The following ZGRF1 variants were observed in gnomAD, a reference collection of about 807,000 sequenced individuals.
The protein encoded by ZGRF1 is zinc finger GRF-type containing 1.
ZGRF1 carries 196 observed loss-of-function variants against 203.5 expected under a neutral mutation model. The ratio of observed to expected loss-of-function variants is 0.96; its 90% confidence interval spans 0.86 to 1.08. The LOEUF is 1.08. Among genes scored for constraint, ZGRF1 ranks in the 50% least tolerant of loss-of-function variants. ZGRF1 has a pLI of 0.00. For missense variants in ZGRF1, 2,326 were observed against 2,416.3 expected (o/e 0.96, Z 0.78); for synonymous variants, 809 against 841.3 (o/e 0.96, Z 0.66).
At chr4:112,604,688 G>C (rs774223468) in intron 9 of ZGRF1, among the ~76,000 whole-genome samples, 15 of 152,176 alleles carry the variant, frequency 9.9e-5, no homozygotes, top group Non-Finnish European at 1.9e-4. Flanking sequence ...CTACTGCTCT[G>C]AGAGCAAAAG....
chr4:112,604,404 A>G (rs796245497), intron 9 of ZGRF1, among the ~76,000 whole-genome samples: 1 of 152,196 alleles, frequency 6.6e-6, no homozygotes, highest in African/African-American at 2.4e-5. Flanking sequence ...ACTATATATT[A>G]TAGACTCACA....
rs35098422 is a variant in ZGRF1, at chr4:112,565,430, C to CAAA, written c.4439-2159_4439-2157dup. ...ACTATGATGGGAAACATTTCATTCT[C>CAAA]AAAAAAAAAAAAAAAAAAATTCTCT... On this transcript the variant is annotated intron_variant, in intron 16 of 27. Coordinates refer to ENST00000505019, the MANE Select transcript of ZGRF1 (RefSeq NM_018392.5). 3,390 of 512,140 alleles carry CAAA rather than the reference C, an allele frequency of 6.6e-3. 2 individuals carry two copies. The highest frequency in any genetic ancestry group is 0.015 in the South Asian group (592 of 38,774). 31.7% of individuals were successfully genotyped at this position (512,140 alleles called of 1,614,324 possible).
In ZGRF1 at chr4:112,619,258, C is replaced by A; in HGVS notation, c.784G>T (p.Glu262Ter). Residue 262 changes from glutamate to a stop codon, truncating the protein, a stop_gained, in exon 6 of 28, where the codon GAA (glutamate) becomes TAA (stop). Transcript: ENST00000505019. LOFTEE classifies it high-confidence loss of function. ...AGTTCCTCACATGAACTAGATGATT[C>A]GGACTTCAGAAGAGCTAATATCTGT... ...KAQILALLKS[E>*]SSSSCEELNS... The A allele has an allele frequency of 6.2e-7, 1 of 1,613,190 alleles. No individual in the cohort carries two copies. The highest frequency in any genetic ancestry group is 1.1e-5 in the South Asian group (1 of 91,066).
intron 8 of ZGRF1, 147 bp from the exon 9 acceptor site, chr4:112,606,238 A>T (rs776490194): frequency 2.4e-5 from 14 of 589,826 alleles, no homozygotes; most frequent in Admixed American, 1.4e-4. Flanking sequence ...CTACACACAC[A>T]TACAAGCTAG....
At chr4:112,548,169 A>G (rs1739182233) in intron 23 of ZGRF1, 84 bp downstream of exon 23, 1 of 1,297,362 alleles carries the variant, frequency 7.7e-7, no homozygotes, top group East Asian at 2.6e-5. Flanking sequence ...GCAAACTCCT[A>G]GACTCAAGCA....
intron 16 of ZGRF1, 28 bp downstream of exon 16, chr4:112,581,635 A>G (rs1051711324): frequency 3.9e-6 from 6 of 1,529,000 alleles, no homozygotes; most frequent in Non-Finnish European, 5.3e-6. Context: ...GGCTAGACTG[A>G]ATCGCCAGTA....
intron 1 of ZGRF1, among the ~76,000 whole-genome samples, chr4:112,634,662 T>G (rs1470541971): frequency 6.9e-6 from 1 of 145,878 alleles, no homozygotes; most frequent in African/African-American, 2.6e-5. Flanking sequence ...AAAAAAAAAA[T>G]AAAAGGGCGA....
At chr4:112,594,359 T>C (rs530999994) in intron 10 of ZGRF1, among the ~76,000 whole-genome samples, 1 of 152,274 alleles carries the variant, frequency 6.6e-6, no homozygotes, top group Admixed American at 6.5e-5. Flanking sequence ...CTAACAAATA[T>C]CATTTGTTAC....
chr4:112,543,146 A>G (rs903326261), intron 24 of ZGRF1, among the ~76,000 whole-genome samples: 2 of 152,232 alleles, frequency 1.3e-5, no homozygotes, highest in African/African-American at 4.8e-5. Flanking sequence ...CAGACTTGAC[A>G]TTAGCCATAT....
intron 7 of ZGRF1, chr4:112,610,939 T>C: frequency 3.3e-6 from 1 of 306,190 alleles, no homozygotes; most frequent in Non-Finnish European, 6.3e-6. Flanking sequence ...CCATTTTTTT[T>C]AACTGGACAC....
rs755861082 is a variant in ZGRF1 at position 112,540,845 on chromosome 4, T to A, written c.5886A>T (p.Thr1962=). The A allele has an allele frequency of 2.3e-5, 37 of 1,596,104 alleles. No homozygotes were observed. The East Asian group carries it at 8.1e-4, about 35-fold the overall frequency. Reference sequence around the variant, plus strand: ...CCTTGTACATCTGGGATTTGTATAATGTTATCACACCAATCATAGAGCCTG... The same window carrying A: ...CCTTGTACATCTGGGATTTGTATAAAGTTATCACACCAATCATAGAGCCTG... ...GIAGSMIGVI[T]LYKSQMYKLC... Residue 1962 remains threonine (T), a synonymous_variant, in exon 26 of 28, where the codon ACA becomes ACT. Coordinates refer to ENST00000505019, the MANE Select transcript of ZGRF1 (RefSeq NM_018392.5).
intron 16 of ZGRF1, among the ~76,000 whole-genome samples, chr4:112,567,034 C>T (rs1743236413): frequency 6.6e-6 from 1 of 152,092 alleles, no homozygotes; most frequent in East Asian, 1.9e-4. Flanking sequence ...CACAGGCAGT[C>T]TCCACCTCAC....
At chr4:112,579,708 C>T (rs1421138454) in intron 16 of ZGRF1, among the ~76,000 whole-genome samples, 2 of 120,962 alleles carry the variant, frequency 1.7e-5, no homozygotes, top group African/African-American at 5.7e-5. Flanking sequence ...AGGAATCCAA[C>T]TTACAAGGGA....
chr4:112,555,934 G>GT (rs1273023746), intron 20 of ZGRF1, among the ~76,000 whole-genome samples: 6 of 151,634 alleles, frequency 4.0e-5, no homozygotes, highest in Non-Finnish European at 8.8e-5. Context: ...CTAACTTCTC[G>GT]TTTTTTTGTT....
At chr4:112,621,237 A>C (rs2047050077) in intron 4 of ZGRF1, among the ~76,000 whole-genome samples, 1 of 152,202 alleles carries the variant, frequency 6.6e-6, no homozygotes, top group Non-Finnish European at 1.5e-5. Context: ...GATACTCATA[A>C]TTATCACAAA....
At chr4:112,565,016 A>G in intron 16 of ZGRF1, 1 of 961,496 alleles carries the variant, frequency 1.0e-6, no homozygotes, top group Non-Finnish European at 1.7e-6. Flanking sequence ...ACTGCCCACA[A>G]ATCAACCGGT....
chr4:112,632,881 T>C (rs901200808), intron 2 of ZGRF1, among the ~76,000 whole-genome samples: 9 of 152,234 alleles, frequency 5.9e-5, no homozygotes, highest in African/African-American at 2.2e-4. Context: ...ATACTTGATC[T>C]TAGCCAAAAG....
At position 112,563,219 on chromosome 4, in the gene ZGRF1, T is replaced by C. The variant is rs1742339323; in HGVS notation, c.4494A>G (p.Ala1498=). 2.6e-6 allele frequency: 4 copies of C among 1,551,142 alleles called. No individual in the cohort carries two copies. Among genetic ancestry groups the C allele is most frequent in the Admixed American group, 3.9e-5 (2 of 50,982 alleles). ...TLDFELDTFI[A]CSAFFGPSSI... is the part of the protein sequence containing the mutation. The stretch of plus-strand genomic sequence containing the variant: ...ATGATGGTCCAAAGAAAGCACTACA[T>C]GCGATAAAAGTATCCAGCTCAAAGT... Residue 1498 remains alanine, a synonymous_variant, in exon 17 of 28, where the codon GCA becomes GCG. Coordinates refer to ENST00000505019, the MANE Select transcript of ZGRF1 (RefSeq NM_018392.5).
chr4:112,601,069 C>T (rs1025489112), intron 10 of ZGRF1, among the ~76,000 whole-genome samples: 5 of 151,044 alleles, frequency 3.3e-5, no homozygotes, highest in Non-Finnish European at 7.4e-5. Context: ...CGCCACTGCA[C>T]TCCAGCCTGG....
Sources: gnomAD v4.1 joint callset for allele counts (sites outside exome capture counted in the v4.1 genomes callset) on GRCh38, gnomAD v4.1.1 for gene constraint, MANE v1.5 for transcripts, NCBI Gene and HGNC (gene_info 2026-07-23, HGNC 2026-07-21) for gene names.